The following FAM53A variants were observed in gnomAD, a reference collection of about 807,000 sequenced individuals.
FAM53A encodes the protein protein FAM53A.
In FAM53A, 28 loss-of-function variants were observed where a neutral mutation model predicts 26.6. The ratio of observed to expected loss-of-function variants is 1.05; its 90% CI spans 0.78 to 1.45. The LOEUF (loss-of-function observed/expected upper bound fraction) is 1.45. FAM53A is among the 40% of genes most tolerant of loss of function. The probability of loss-of-function intolerance (pLI) is 0.00; values close to 1 mark genes in which losing one functional copy is unlikely to be tolerated. For missense variants in FAM53A, 650 were observed against 575.8 expected, an observed-to-expected ratio of 1.13 and a Z score of -1.32; for synonymous variants, 290 against 253.1, an observed-to-expected ratio of 1.15 and a Z score of -1.38.
At chr4:1,575,761 C>A in the FAM53A span, among the ~76,000 whole-genome samples, 1 of 152,078 alleles carries the variant, frequency 6.6e-6, no homozygotes, top group Non-Finnish European at 1.5e-5. Context: ...GAGCTGGGGG[C>A]AGAATGAGGA....
chr4:1,627,047 C>T (rs1472944509), intron 1 of FAM53A, among the ~76,000 whole-genome samples: 1 of 152,196 alleles, frequency 6.6e-6, no homozygotes, highest in Non-Finnish European at 1.5e-5. Flanking sequence ...CAGCCAGAGG[C>T]ACAGGACCAA....
rs1711551937 is a variant in FAM53A, at chr4:1,640,285, A to G, written c.*1008T>C. ...GGCGGTTCACTGGCACGTGGGTGAC[A>G]AGGTTCATGGGCACAGATGCCCATG... On this transcript the variant is annotated 3_prime_UTR_variant, in exon 5 of 5. Coordinates refer to ENST00000308132, the MANE Select transcript of FAM53A (RefSeq NM_001174070.3). 5.7e-6 allele frequency: 1 copy of G among 176,514 alleles called. No individual in the cohort carries two copies. Among genetic ancestry groups the G allele is most frequent in the Non-Finnish European group, 1.2e-5 (1 of 85,666 alleles). The allele number at this position is 176,514 out of a possible 1,614,324, so 10.9% of individuals were successfully genotyped here.
downstream of FAM53A, among the ~76,000 whole-genome samples, chr4:1,613,255 G>T (rs1276814833): frequency 6.6e-6 from 1 of 152,224 alleles, no homozygotes; most frequent in Non-Finnish European, 1.5e-5. Context: ...GAAGCCCAAG[G>T]TAGGGGCGCC....
At chr4:1,584,724 G>A in the FAM53A span, among the ~76,000 whole-genome samples, 8 of 152,248 alleles carry the variant, frequency 5.3e-5, no homozygotes, top group East Asian at 1.9e-4. Context: ...CCAGCATGGC[G>A]GTCTTGAGAC....
At position 1,643,318 on chromosome 4, in the gene FAM53A, T is replaced by C. The variant is rs1036225678; in HGVS notation, c.883-1711A>G. Among the ~76,000 whole-genome samples, 10 of 151,592 alleles carry C rather than the reference T, an allele frequency of 6.6e-5. No homozygotes were observed. In the East Asian group the frequency reaches 1.6e-3, roughly 24 times the overall value. On this transcript the variant is annotated intron_variant, in intron 4 of 4. Transcript: ENST00000308132. ...CGTCTCTACTAAAAATACAAAAAAT[T>C]AACCAGGCGTGGTGGCGGGCGCCTG... is the stretch of plus-strand genomic sequence containing the variant.
At chr4:1,643,329 G>T (rs977098468) in intron 4 of FAM53A, among the ~76,000 whole-genome samples, 1 of 151,896 alleles carries the variant, frequency 6.6e-6, no homozygotes. Flanking sequence ...AACCAGGCGT[G>T]GTGGCGGGCG....
chr4:1,621,367 G>A (rs1054112841), intron 1 of FAM53A, among the ~76,000 whole-genome samples: 1 of 152,132 alleles, frequency 6.6e-6, no homozygotes, highest in Admixed American at 6.5e-5. Context: ...GCCTCCCAAA[G>A]TGCTGGGATT....
chr4:1,603,373 A>G, the FAM53A span, among the ~76,000 whole-genome samples: 1 of 152,178 alleles, frequency 6.6e-6, no homozygotes, highest in Non-Finnish European at 1.5e-5. Context: ...TCCCCTCTGC[A>G]GGGCAGAAGG....
intron 1 of FAM53A, among the ~76,000 whole-genome samples, chr4:1,674,316 A>T (rs1296177878): frequency 1.3e-5 from 2 of 152,114 alleles, no homozygotes; most frequent in Non-Finnish European, 2.9e-5. Flanking sequence ...TTATAAGGAC[A>T]CCAATGATTG....
the FAM53A span, among the ~76,000 whole-genome samples, chr4:1,595,439 G>A: frequency 4.6e-5 from 7 of 152,202 alleles, no homozygotes; most frequent in African/African-American, 1.2e-4. Context: ...ACCACAGGCC[G>A]GGGACAGCAG....
the FAM53A span, among the ~76,000 whole-genome samples, chr4:1,608,083 G>A: frequency 1.3e-5 from 2 of 152,168 alleles, no homozygotes; most frequent in South Asian, 4.2e-4. Flanking sequence ...CTGCATTCCA[G>A]CCTTGGTGAC....
At chr4:1,619,305 C>T (rs1017448432) in intron 1 of FAM53A, among the ~76,000 whole-genome samples, 1 of 152,220 alleles carries the variant, frequency 6.6e-6, no homozygotes, top group Non-Finnish European at 1.5e-5. Context: ...GGAGAGGGAA[C>T]GGCACGCACT....
At chr4:1,586,592 G>A in the FAM53A span, among the ~76,000 whole-genome samples, 14 of 151,572 alleles carry the variant, frequency 9.2e-5, no homozygotes, top group Non-Finnish European at 7.4e-5. Flanking sequence ...TGGCTAACAC[G>A]GTGAAACCCT....
the FAM53A span, among the ~76,000 whole-genome samples, chr4:1,583,223 A>AG: frequency 6.6e-6 from 1 of 152,134 alleles, no homozygotes; most frequent in African/African-American, 2.4e-5. Context: ...TGCACTGGGG[A>AG]GGGGACCAGC....
Position 1,655,156 on chromosome 4 carries a change from G to C in FAM53A, c.704C>G (p.Pro235Arg), listed in dbSNP as rs201035222. 1.2e-3 allele frequency: 1,863 copies of C among 1,580,692 alleles called. 18 individuals are homozygous for C. The African/African-American group carries it at 0.022, about 18-fold the overall frequency. The change falls in exon 4 of 5, where the codon CCC becomes CGC. Residue 235 changes from proline (P) to arginine (R), a missense_variant. By Grantham distance (103) the Pro-to-Arg change is moderately radical. Transcript: ENST00000308132. ...SQERLAGAGTPLPWASSSPTS... is the reference protein window; with the variant it reads ...SQERLAGAGTRLPWASSSPTS... ...GGGGCTGCTGCTGGCCCAGGGCAGG[G>C]GAGTGCCCGCACCCGCGAGTCGCTC...
the FAM53A span, among the ~76,000 whole-genome samples, chr4:1,610,413 C>A: frequency 6.6e-6 from 1 of 152,220 alleles, no homozygotes; most frequent in East Asian, 1.9e-4. Context: ...AGTGAGCAGG[C>A]TCTCGGATGC....
chr4:1,624,416 AC>A (rs1282788666), intron 1 of FAM53A, among the ~76,000 whole-genome samples: 1 of 151,998 alleles, frequency 6.6e-6, no homozygotes, highest in Non-Finnish European at 1.5e-5. Flanking sequence ...AAGCGCCGTG[AC>A]CCCCCGAACC....
chr4:1,579,378 C>T, the FAM53A span, among the ~76,000 whole-genome samples: 1 of 151,866 alleles, frequency 6.6e-6, no homozygotes, highest in Non-Finnish European at 1.5e-5. Context: ...CCACGGTCTA[C>T]TACCCCATGG....
chr4:1,579,177 C>T, the FAM53A span, among the ~76,000 whole-genome samples: 5 of 150,148 alleles, frequency 3.3e-5, no homozygotes, highest in Non-Finnish European at 7.5e-5. Flanking sequence ...GGCCCCTGCC[C>T]CCCCTGCCCT....
Sources: gnomAD v4.1 joint callset for allele counts (sites outside exome capture counted in the v4.1 genomes callset) on GRCh38, gnomAD v4.1.1 for gene constraint, MANE v1.5 for transcripts, NCBI Gene and HGNC (gene_info 2026-07-23, HGNC 2026-07-21) for gene names.